FBN1: variants seen among roughly 807,000 people sequenced by gnomAD.
FBN1 encodes the protein fibrillin 1.
Under a neutral mutation model 365.1 loss-of-function variants are expected in FBN1, and 29 were observed. The ratio of observed to expected loss-of-function variants is 0.08; its 90% confidence interval spans 0.06 to 0.11. The LOEUF is 0.11. Among genes scored for constraint, FBN1 ranks in the 10% least tolerant of loss-of-function variants. FBN1 has a pLI of 1.00. For synonymous variants in FBN1, 1,210 were observed against 1,270.5 expected, an observed-to-expected ratio of 0.95 and a Z score of 1.01; for missense variants, 2,476 against 3,703.2, an observed-to-expected ratio of 0.67 and a Z score of 8.60.
At chr15:48,594,608 T>A (rs191278490) in intron 6 of FBN1, among the ~76,000 whole-genome samples, 210 of 152,314 alleles carry the variant, frequency 1.4e-3, no homozygotes, top group African/African-American at 4.9e-3. Context: ...AAAGATCAAA[T>A]CTTTGAAGAA....
At chr15:48,593,953 T>C (rs1233069405) in intron 6 of FBN1, among the ~76,000 whole-genome samples, 2 of 152,150 alleles carry the variant, frequency 1.3e-5, no homozygotes, top group Non-Finnish European at 2.9e-5. Flanking sequence ...ACTTATCCAG[T>C]AATAAGCACC....
At chr15:48,501,233 G>A (rs2043653563) in intron 17 of FBN1, among the ~76,000 whole-genome samples, 2 of 152,204 alleles carry the variant, frequency 1.3e-5, no homozygotes, top group South Asian at 2.1e-4. Flanking sequence ...GGCCTAATAA[G>A]AGGTGATTAG....
intron 4 of FBN1, among the ~76,000 whole-genome samples, chr15:48,601,138 C>A (rs1036314521): frequency 6.6e-6 from 1 of 152,136 alleles, no homozygotes; most frequent in Admixed American, 6.5e-5. Context: ...CATTTCGGGG[C>A]CCAGGGTAGA....
At position 48,602,555 on chromosome 15, in the gene FBN1, C is replaced by T. The variant is rs193043313; in HGVS notation, c.347-2321G>A. 2.4e-3 allele frequency among the ~76,000 whole-genome samples: 362 copies of T among 152,190 alleles called. 3 individuals are homozygous for T. Among genetic ancestry groups the T allele is most frequent in the African/African-American group, 7.8e-3 (325 of 41,526 alleles). ...AGACTTAGAAGTTGTCCATTGTGTC[C>T]GAGGCACTTATACAGCCCTACTAAG... On this transcript the variant is annotated intron_variant, in intron 4 of 65. Transcript: ENST00000316623.
intron 43 of FBN1, among the ~76,000 whole-genome samples, chr15:48,459,650 G>A (rs145501217): frequency 4.4e-3 from 667 of 152,294 alleles, no homozygotes; most frequent in African/African-American, 0.015. Flanking sequence ...AAACCACAAG[G>A]GCATTGCCTG....
chr15:48,617,148 G>A (rs1889669602), intron 2 of FBN1, among the ~76,000 whole-genome samples: 1 of 152,068 alleles, frequency 6.6e-6, no homozygotes, highest in African/African-American at 2.4e-5. Context: ...ATAAAGCACA[G>A]CATAAACTGT....
chr15:48,431,861 G>C (rs952942136), intron 55 of FBN1, among the ~76,000 whole-genome samples: 1 of 151,096 alleles, frequency 6.6e-6, no homozygotes, highest in Non-Finnish European at 1.5e-5. Context: ...CACTATGTTG[G>C]TCAGGCTGGT....
At chr15:48,624,857 G>A (rs1597640632) in intron 2 of FBN1, among the ~76,000 whole-genome samples, 4 of 152,364 alleles carry the variant, frequency 2.6e-5, no homozygotes, top group East Asian at 3.9e-4. Context: ...GGCCAGAGGC[G>A]GAGCCGGGGG....
At chr15:48,607,145 A>G (rs2044619403) in intron 4 of FBN1, among the ~76,000 whole-genome samples, 1 of 152,194 alleles carries the variant, frequency 6.6e-6, no homozygotes, top group African/African-American at 2.4e-5. Flanking sequence ...CTGTTTGTAA[A>G]TCTACAATTA....
chr15:48,532,328 A>G (rs536340174), intron 8 of FBN1, among the ~76,000 whole-genome samples: 16 of 152,354 alleles, frequency 1.1e-4, no homozygotes, highest in African/African-American at 3.6e-4. Flanking sequence ...TATTAAACTG[A>G]GAAAGCCTAA....
At chr15:48,514,696 A>T (rs1161313873) in intron 12 of FBN1, among the ~76,000 whole-genome samples, 1 of 152,192 alleles carries the variant, frequency 6.6e-6, no homozygotes, top group African/African-American at 2.4e-5. Context: ...AGACTAGTAT[A>T]ATGTGCAAAA....
rs994678310 is a variant in FBN1, at chr15:48,409,725, C to T, written c.*1265G>A. 5 of 152,030 alleles carry T rather than the reference C, an allele frequency of 3.3e-5. No individual in the cohort carries two copies. Among genetic ancestry groups the T allele is most frequent in the African/African-American group, 1.2e-4 (5 of 41,370 alleles). The allele number at this position is 152,030 out of a possible 1,614,324, so 9.4% of individuals were successfully genotyped here. On this transcript the variant is annotated 3_prime_UTR_variant, in exon 66 of 66. Coordinates refer to ENST00000316623, the MANE Select transcript of FBN1 (RefSeq NM_000138.5). The stretch of plus-strand genomic sequence containing the variant: ...AAACTGTGTATATTTGAGAGGGGGG[C>T]ATGATAAATCTATTATAATGAAATT...
Position 48,520,837 on chromosome 15 carries a change from TACAC to T in FBN1, c.989-24_989-21del. On this transcript the variant is annotated intron_variant, in intron 9 of 65. Coordinates refer to ENST00000316623, the MANE Select transcript of FBN1 (RefSeq NM_000138.5). ...GAACATCTGAGGACAAAGAAACACA[TACAC>T]ACACACACATCGCTGAGATAATACT... is the stretch of plus-strand genomic sequence containing the variant. The T allele has an allele frequency of 6.2e-7, 1 of 1,612,726 alleles. No homozygotes were observed. Among genetic ancestry groups the T allele is most frequent in the Non-Finnish European group, 8.5e-7 (1 of 1,179,126 alleles).
At chr15:48,626,802 T>C (rs1366741364) in intron 2 of FBN1, among the ~76,000 whole-genome samples, 1 of 152,158 alleles carries the variant, frequency 6.6e-6, no homozygotes, top group Non-Finnish European at 1.5e-5. Context: ...AATAGTCTAA[T>C]TTAAATTTAA....
At chr15:48,531,377 C>A (rs929919917) in intron 8 of FBN1, among the ~76,000 whole-genome samples, 3 of 151,938 alleles carry the variant, frequency 2.0e-5, no homozygotes, top group African/African-American at 7.3e-5. Context: ...GATCTGAGAG[C>A]GTGAGGGTTA....
At chr15:48,626,493 C>T (rs1218532827) in intron 2 of FBN1, among the ~76,000 whole-genome samples, 1 of 152,116 alleles carries the variant, frequency 6.6e-6, no homozygotes, top group Admixed American at 6.5e-5. Context: ...TATTTCATAG[C>T]AGTCAACAGG....
At chr15:48,600,895 T>C (rs1238781978) in intron 4 of FBN1, among the ~76,000 whole-genome samples, 1 of 152,124 alleles carries the variant, frequency 6.6e-6, no homozygotes, top group African/African-American at 2.4e-5. Context: ...CGTGAAAAGA[T>C]TTAGAATCCC....
At chr15:48,469,109 TTAC>T (rs1327455534) in intron 36 of FBN1, among the ~76,000 whole-genome samples, 2 of 101,048 alleles carry the variant, frequency 2.0e-5, no homozygotes, top group African/African-American at 8.7e-5. Flanking sequence ...ATAATATATA[TTAC>T]ATATATATAT....
In FBN1 at chr15:48,446,960, C is replaced by T. The variant is rs1365321415; in HGVS notation, c.5672-138G>A. ...GAACTTCTTGATGTTGGTATCAGCT[C>T]CAGCAGCAGTCATCCCTGCAAGATA... On this transcript the variant is annotated intron_variant, in intron 46 of 65. Transcript: ENST00000316623. 61 of 664,416 alleles carry T rather than the reference C, an allele frequency of 9.2e-5. 1 individual carries two copies. In the South Asian group the frequency reaches 1.0e-3, roughly 11 times the overall value. The allele number at this position is 664,416 out of a possible 1,614,324, so 41.2% of individuals were successfully genotyped here. A position where few individuals can be genotyped will look rare whatever the true frequency, so the allele number is the denominator to read the frequency against.
Sources: allele counts gnomAD v4.1 joint callset (sites outside exome capture counted in the v4.1 genomes callset), GRCh38; gene constraint gnomAD v4.1.1; transcripts MANE v1.5; gene names NCBI Gene and HGNC (gene_info 2026-07-23, HGNC 2026-07-21).